Variants in MCTP2 observed in about 807,000 individuals in gnomAD.
The protein encoded by MCTP2 is multiple C2 and transmembrane domain containing 2.
In MCTP2, 132 loss-of-function variants were observed where a neutral mutation model predicts 111.6. The ratio of observed to expected loss-of-function variants is 1.18; its 90% CI spans 1.03 to 1.37. The LOEUF (loss-of-function observed/expected upper bound fraction) is 1.37, where lower values mean the gene tolerates loss of function less well. MCTP2 is among the 40% of genes most tolerant of loss of function. MCTP2 has a pLI of 0.00. For missense variants in MCTP2, 1,183 were observed against 1,067.9 expected (o/e 1.11, Z -1.50); for synonymous variants, 395 against 387.7 (o/e 1.02, Z -0.22).
chr15:94,415,224 ACAGT>A (rs937264487), intron 17 of MCTP2, among the ~76,000 whole-genome samples: 4 of 152,172 alleles, frequency 2.6e-5, no homozygotes, highest in African/African-American at 9.6e-5. Flanking sequence ...AAGGATTTAA[ACAGT>A]CAGGAAAGGT....
chr15:94,455,556 G>A (rs1029244974), intron 19 of MCTP2, among the ~76,000 whole-genome samples: 1 of 152,072 alleles, frequency 6.6e-6, no homozygotes, highest in Non-Finnish European at 1.5e-5. Context: ...TCCTGCCTCA[G>A]CTTGGACTGC....
intron 20 of MCTP2, among the ~76,000 whole-genome samples, chr15:94,462,931 CTT>C (rs1419475181): frequency 6.6e-6 from 1 of 152,198 alleles, no homozygotes; most frequent in East Asian, 1.9e-4. Flanking sequence ...ACTGACTTGA[CTT>C]TCTTCTTGTG....
chr15:94,290,022 C>T (rs868779702), intron 1 of MCTP2, among the ~76,000 whole-genome samples: 9 of 152,044 alleles, frequency 5.9e-5, no homozygotes, highest in East Asian at 3.8e-4. Flanking sequence ...GGAATGTGGG[C>T]GGCCTCTAAA....
At chr15:94,245,492 A>T (rs571440029) in intron 1 of MCTP2, among the ~76,000 whole-genome samples, 107 of 140,672 alleles carry the variant, frequency 7.6e-4, no homozygotes, top group African/African-American at 2.7e-3. Flanking sequence ...ACATACATGT[A>T]TGTATTTATA....
intron 4 of MCTP2, among the ~76,000 whole-genome samples, chr15:94,336,338 A>G (rs544942210): frequency 3.9e-5 from 6 of 152,130 alleles, no homozygotes; most frequent in Admixed American, 1.3e-4. Context: ...CCTATGAGCC[A>G]TCTTCATTCC....
chr15:94,446,448 C>A (rs1254980619), intron 19 of MCTP2, among the ~76,000 whole-genome samples: 1 of 152,088 alleles, frequency 6.6e-6, no homozygotes, highest in East Asian at 1.9e-4. Context: ...GGATGGATTA[C>A]AATGAAAATT....
At chr15:94,333,286 G>A (rs994644723) in intron 4 of MCTP2, among the ~76,000 whole-genome samples, 4 of 152,098 alleles carry the variant, frequency 2.6e-5, no homozygotes, top group Admixed American at 2.6e-4. Flanking sequence ...GAAGAAAGCA[G>A]GTAAATAATA....
intron 8 of MCTP2, among the ~76,000 whole-genome samples, chr15:94,347,388 T>C (rs1050961119): frequency 4.6e-5 from 7 of 152,194 alleles, no homozygotes; most frequent in Admixed American, 3.3e-4. Flanking sequence ...AAGGAATGTA[T>C]TACCTAAAAA....
At chr15:94,471,662 T>C (rs1420085488) in intron 21 of MCTP2, among the ~76,000 whole-genome samples, 1 of 152,118 alleles carries the variant, frequency 6.6e-6, no homozygotes, top group African/African-American at 2.4e-5. Context: ...TTAGTTCTTG[T>C]TGGTATTTTT....
At chr15:94,266,138 A>G (rs994819996) in intron 1 of MCTP2, among the ~76,000 whole-genome samples, 2 of 152,066 alleles carry the variant, frequency 1.3e-5, no homozygotes, top group Non-Finnish European at 2.9e-5. Flanking sequence ...TGATCCTGAG[A>G]GTGTGTGGCC....
chr15:94,474,530 C>T (rs763260306), intron 21 of MCTP2, among the ~76,000 whole-genome samples: 19 of 152,022 alleles, frequency 1.2e-4, no homozygotes, highest in Middle Eastern at 3.2e-3. Context: ...CCAGGTATTC[C>T]TACGTCACAA....
At chr15:94,461,716 G>C (rs62017664) in intron 20 of MCTP2, among the ~76,000 whole-genome samples, 25,274 of 152,038 alleles carry the variant, frequency 0.17, 2,323 homozygotes, top group Non-Finnish European at 0.21. Flanking sequence ...AACTGCCCTG[G>C]CTAGAAATGA....
chr15:94,316,221 A>G (rs1039064067), intron 4 of MCTP2, among the ~76,000 whole-genome samples: 7 of 151,680 alleles, frequency 4.6e-5, no homozygotes, highest in Non-Finnish European at 1.0e-4. Context: ...TTTAAATACT[A>G]CGTATTATTT....
rs540789308 is a variant in MCTP2 at position 94,318,509 on chromosome 15, G to A, written c.637+2872G>A. Among the ~76,000 whole-genome samples, 281 of 152,172 alleles carry A rather than the reference G, an allele frequency of 1.8e-3. 1 individual carries two copies. The Middle Eastern group carries it at 0.027, about 15-fold the overall frequency. On this transcript the variant is annotated intron_variant, in intron 4 of 22. Transcript: ENST00000357742. ...AGGCTGGTCTCAAACTCCTGACCTT[G>A]TGATCTGCCCACCTTGGCCTCCCAA...
At chr15:94,235,019 A>G (rs991113241) in intron 1 of MCTP2, among the ~76,000 whole-genome samples, 2 of 152,066 alleles carry the variant, frequency 1.3e-5, no homozygotes, top group Non-Finnish European at 2.9e-5. Context: ...TGGGAGGCCG[A>G]GTTGGGTGGA....
intron 21 of MCTP2, among the ~76,000 whole-genome samples, chr15:94,471,444 A>G (rs2073920374): frequency 6.6e-6 from 1 of 152,238 alleles, no homozygotes; most frequent in Non-Finnish European, 1.5e-5. Context: ...TTCAAAGAGC[A>G]TCCAACAAAG....
intron 21 of MCTP2, 57 bp downstream of exon 21, chr15:94,470,499 C>T: frequency 8.6e-7 from 1 of 1,159,280 alleles, no homozygotes; most frequent in South Asian, 1.2e-5. Flanking sequence ...ACCAATTACT[C>T]ATTTTTAAAG....
chr15:94,278,870 C>T (rs1011790966), intron 1 of MCTP2, among the ~76,000 whole-genome samples: 2 of 152,128 alleles, frequency 1.3e-5, no homozygotes, highest in Admixed American at 6.6e-5. Flanking sequence ...TAATGGCCTA[C>T]AGCTCCCTCC....
At chr15:94,460,762 A>G (rs902330400) in intron 20 of MCTP2, among the ~76,000 whole-genome samples, 15 of 152,240 alleles carry the variant, frequency 9.9e-5, no homozygotes, top group South Asian at 8.3e-4. Flanking sequence ...TCTTCAGCCC[A>G]TGAACAGAGT....
Sources: gnomAD v4.1 joint callset for allele counts (sites outside exome capture counted in the v4.1 genomes callset) on GRCh38, gnomAD v4.1.1 for gene constraint, MANE v1.5 for transcripts, NCBI Gene and HGNC (gene_info 2026-07-23, HGNC 2026-07-21) for gene names.